TIAM1: variants seen among roughly 807,000 people sequenced by gnomAD.
TIAM1 encodes the protein TIAM Rac1 associated GEF 1.
Under a neutral mutation model 163.5 loss-of-function variants are expected in TIAM1, and 65 were observed. The observed-to-expected ratio is 0.40, with a 90% CI of 0.33 to 0.49. The LOEUF (loss-of-function observed/expected upper bound fraction) is 0.49. Ranked by LOEUF, TIAM1 falls within the 20% of genes least tolerant of loss-of-function variation. The probability of loss-of-function intolerance (pLI) is 0.77; values close to 1 mark genes in which losing one functional copy is unlikely to be tolerated. For missense variants in TIAM1, 1,789 were observed against 2,044.7 expected (o/e 0.87, Z 2.41); for synonymous variants, 833 against 810.1 (o/e 1.03, Z -0.48).
intron 2 of TIAM1, among the ~76,000 whole-genome samples, chr21:31,400,100 G>T (rs1160011123): frequency 6.6e-6 from 1 of 151,660 alleles, no homozygotes; most frequent in East Asian, 1.9e-4. Context: ...AAATATAAGG[G>T]GAAATATAAG....
chr21:31,196,023 C>CT (rs1263029663), intron 12 of TIAM1, among the ~76,000 whole-genome samples: 2 of 152,122 alleles, frequency 1.3e-5, no homozygotes, highest in African/African-American at 4.8e-5. Flanking sequence ...AACTGTGCAT[C>CT]TGACAAAGCT....
intron 2 of TIAM1, among the ~76,000 whole-genome samples, chr21:31,338,065 G>A (rs987175324): frequency 5.3e-5 from 8 of 152,060 alleles, no homozygotes; most frequent in Non-Finnish European, 7.4e-5. Context: ...AGGTCAACCC[G>A]GAGGTTTTAT....
chr21:31,319,705 G>A (rs984829542), intron 2 of TIAM1, among the ~76,000 whole-genome samples: 5 of 150,662 alleles, frequency 3.3e-5, no homozygotes, highest in Non-Finnish European at 5.9e-5. Flanking sequence ...GCATGAACCC[G>A]GGAGGCGGAG....
intron 1 of TIAM1, among the ~76,000 whole-genome samples, chr21:31,522,118 G>A (rs943740139): frequency 5.3e-5 from 8 of 151,824 alleles, no homozygotes; most frequent in Non-Finnish European, 7.4e-5. Flanking sequence ...TGATCCGCCC[G>A]CCTCGGCCTC....
intron 6 of TIAM1, among the ~76,000 whole-genome samples, chr21:31,237,138 T>G (rs1298892339): frequency 6.6e-6 from 1 of 152,184 alleles, no homozygotes; most frequent in Non-Finnish European, 1.5e-5. Context: ...TGGGAGAGGC[T>G]GCCCAGTGGG....
At chr21:31,541,726 G>A in intron 1 of TIAM1, among the ~76,000 whole-genome samples, 1 of 152,140 alleles carries the variant, frequency 6.6e-6, no homozygotes, top group East Asian at 1.9e-4. Flanking sequence ...CCAAAATATG[G>A]ATAAGAAAAA....
At chr21:31,345,051 TA>T (rs1238511764), upstream of TIAM1, among the ~76,000 whole-genome samples, 1 of 152,208 alleles carries the variant, frequency 6.6e-6, no homozygotes, top group Non-Finnish European at 1.5e-5. Context: ...GAAGTTTCTT[TA>T]AATAAAACTT....
At chr21:31,210,699 AAGAAAG>A (rs2086788212) in intron 10 of TIAM1, among the ~76,000 whole-genome samples, 2 of 110,260 alleles carry the variant, frequency 1.8e-5, no homozygotes, top group African/African-American at 4.6e-5. Context: ...GAAAGAAAGA[AAGAAAG>A]AGAAAGAAAG....
At chr21:31,425,584 C>CTT (rs533484712) in intron 2 of TIAM1, among the ~76,000 whole-genome samples, 95 of 137,816 alleles carry the variant, frequency 6.9e-4, no homozygotes, top group African/African-American at 2.5e-3. Context: ...CCAGGGACTG[C>CTT]TTTTTTTTTT....
chr21:31,230,467 C>T (rs550246081), intron 6 of TIAM1, among the ~76,000 whole-genome samples: 2 of 152,066 alleles, frequency 1.3e-5, no homozygotes, highest in East Asian at 3.9e-4. Flanking sequence ...TGATCCTGAC[C>T]CCCAGCTCTT....
chr21:31,426,233 G>C (rs944208679), intron 2 of TIAM1, among the ~76,000 whole-genome samples: 1 of 152,042 alleles, frequency 6.6e-6, no homozygotes, highest in Non-Finnish European at 1.5e-5. Context: ...CTTTGCATAA[G>C]GGCCCGCTTT....
At chr21:31,153,495 C>T (rs2083472702) in intron 17 of TIAM1, among the ~76,000 whole-genome samples, 1 of 152,132 alleles carries the variant, frequency 6.6e-6, no homozygotes, top group Non-Finnish European at 1.5e-5. Context: ...TGAGAGCCGT[C>T]GTTTGCTAAC....
chr21:31,423,341 C>G (rs1047880977), intron 2 of TIAM1, among the ~76,000 whole-genome samples: 9 of 151,888 alleles, frequency 5.9e-5, no homozygotes, highest in African/African-American at 2.2e-4. Context: ...CTCATGATCC[C>G]CTCGCCTCGG....
At chr21:31,489,603 C>T (rs904432679) in intron 1 of TIAM1, among the ~76,000 whole-genome samples, 1 of 151,700 alleles carries the variant, frequency 6.6e-6, no homozygotes, top group Non-Finnish European at 1.5e-5. Flanking sequence ...GGAGGGGCCA[C>T]CCTGGGTCTC....
intron 2 of TIAM1, among the ~76,000 whole-genome samples, chr21:31,438,637 C>T (rs2044307576): frequency 6.6e-6 from 1 of 152,146 alleles, no homozygotes; most frequent in Admixed American, 6.5e-5. Flanking sequence ...TGCATGTGTC[C>T]TGCTCTCTCC....
chr21:31,350,096 G>C (rs1210734022), intron 2 of TIAM1, among the ~76,000 whole-genome samples: 1 of 152,148 alleles, frequency 6.6e-6, no homozygotes, highest in Non-Finnish European at 1.5e-5. Context: ...CACTAGTTAC[G>C]TGTCAGATAA....
intron 2 of TIAM1, among the ~76,000 whole-genome samples, chr21:31,295,117 A>G (rs540818834): frequency 6.6e-6 from 1 of 152,336 alleles, no homozygotes; most frequent in African/African-American, 2.4e-5. Flanking sequence ...CACCTTGTGG[A>G]TGGCATGGTT....
chr21:31,124,632 CT>C lies in TIAM1; in HGVS notation c.4195del (p.Arg1399GlufsTer27). 1 of 1,613,508 alleles carries C rather than the reference CT, an allele frequency of 6.2e-7. No individual in the cohort carries two copies. Among genetic ancestry groups the C allele is most frequent in the Non-Finnish European group, 8.5e-7 (1 of 1,179,700 alleles). ...GCTCTCGGTTTTGAGGAGCTGTCTTCTGTGCTTATCACGCAGGATTGAATGC... is the reference window on the plus strand; with the variant it reads ...GCTCTCGGTTTTGAGGAGCTGTCTTCGTGCTTATCACGCAGGATTGAATGC... Reference protein sequence around the residue: ...AVHSILRDKHRRQLLKTESLP... With the variant: ...AVHSILRDKHXRQLLKTESLP... On this transcript the variant is annotated frameshift_variant, in exon 27 of 28. Coordinates refer to ENST00000541036, the MANE Select transcript of TIAM1 (RefSeq NM_001353694.2). LOFTEE classifies it high-confidence loss of function.
Position 31,537,128 on chromosome 21 carries a change from T to A in TIAM1, c.-422+21799A>T, listed in dbSNP as rs537732499. Among the ~76,000 whole-genome samples, 25 of 152,328 alleles carry A rather than the reference T, an allele frequency of 1.6e-4. No homozygotes were observed. The South Asian group carries it at 5.0e-3, about 30-fold the overall frequency. ...TTCTCTGTGTGCCCACACCTCTGTA[T>A]CTGAACCATTGGATCTGGGGTCCAC... is the stretch of plus-strand genomic sequence containing the variant. On this transcript the variant is annotated intron_variant, in intron 1 of 28. Coordinates refer to the TIAM1 transcript ENST00000286827.
Sources: gnomAD v4.1 joint callset for allele counts (sites outside exome capture counted in the v4.1 genomes callset) on GRCh38, gnomAD v4.1.1 for gene constraint, MANE v1.5 for transcripts, NCBI Gene and HGNC (gene_info 2026-07-23, HGNC 2026-07-21) for gene names.